Variants in DNA2 observed in about 807,000 individuals in gnomAD.
DNA2 encodes DNA replication helicase/nuclease 2, also known as DNA replication ATP-dependent helicase/nuclease DNA2.
A neutral mutation model predicts 119.1 loss-of-function variants in DNA2; 101 were observed. The ratio of observed to expected loss-of-function variants is 0.85; its 90% confidence interval spans 0.72 to 1.00. The LOEUF (loss-of-function observed/expected upper bound fraction) is 1.00. Among genes scored for constraint, DNA2 ranks in the 50% least tolerant of loss-of-function variants. DNA2 has a pLI of 0.00. For missense variants in DNA2, 1,121 were observed against 1,255.5 expected, an observed-to-expected ratio of 0.89 and a Z score of 1.62; for synonymous variants, 366 against 424.4, an observed-to-expected ratio of 0.86 and a Z score of 1.69.
Position 68,469,985 on chromosome 10 carries a change from CA to C in DNA2, c.252del (p.Asn84LysfsTer8). ...LENKELCILR[N>X]DWCSVPVEPG... ...TCAAAGTCACATAAAAATTACCAGT[CA>C]TTCCTAAGGATGCATAGTTCTTTAT... is the stretch of plus-strand genomic sequence containing the variant. On this transcript the variant is annotated frameshift_variant, in exon 2 of 21. Coordinates refer to ENST00000358410, the MANE Select transcript of DNA2 (RefSeq NM_001080449.3). LOFTEE classifies it high-confidence loss of function. 2.5e-6 allele frequency: 4 copies of C among 1,595,608 alleles called. No individual in the cohort carries two copies. Among genetic ancestry groups the C allele is most frequent in the Non-Finnish European group, 3.4e-6 (4 of 1,175,438 alleles).
Position 68,469,845 on chromosome 10 carries a change from T to G in DNA2, c.257+136A>C, listed in dbSNP as rs928054837. The G allele has an allele frequency of 7.8e-6, 6 of 773,160 alleles. No homozygotes were observed. In the East Asian group the frequency reaches 1.1e-4, roughly 15 times the overall value. 47.9% of individuals were successfully genotyped at this position (773,160 alleles called of 1,614,324 possible). On this transcript the variant is annotated intron_variant, in intron 2 of 20. Coordinates refer to ENST00000358410, the MANE Select transcript of DNA2 (RefSeq NM_001080449.3). ...ACAGGAGTAATAGATACAATTTTCA[T>G]GCAGAATTAGGCTAAGATCAAACCT...
intron 14 of DNA2, among the ~76,000 whole-genome samples, chr10:68,428,330 TA>T (rs905773521): frequency 2.0e-5 from 3 of 149,980 alleles, no homozygotes; most frequent in African/African-American, 7.4e-5. Flanking sequence ...CGTCTCAAAA[TA>T]AAAAAAAATT....
At chr10:68,466,082 A>G (rs2052323894) in intron 3 of DNA2, among the ~76,000 whole-genome samples, 1 of 151,624 alleles carries the variant, frequency 6.6e-6, no homozygotes, top group South Asian at 2.1e-4. Context: ...GCACAGTGGC[A>G]CAATCTCAGC....
intron 14 of DNA2, chr10:68,424,718 C>A: frequency 2.5e-6 from 4 of 1,598,230 alleles, no homozygotes; most frequent in Non-Finnish European, 3.4e-6. Context: ...GCAAGGACGA[C>A]GAGGTCCAGG....
intron 5 of DNA2, among the ~76,000 whole-genome samples, chr10:68,452,729 G>A (rs1042521251): frequency 4.3e-5 from 6 of 139,692 alleles, no homozygotes; most frequent in Non-Finnish European, 6.1e-5. Flanking sequence ...CTGCCATTAC[G>A]CCCAGCTATT....
intron 8 of DNA2, 37 bp from the exon 9 acceptor site, chr10:68,443,148 C>G: frequency 6.6e-7 from 1 of 1,509,050 alleles, no homozygotes; most frequent in East Asian, 2.5e-5. Context: ...TGCTTATAAA[C>G]CATTTCCCTG....
At chr10:68,421,000 G>A (rs1013293457) in intron 17 of DNA2, among the ~76,000 whole-genome samples, 3 of 151,292 alleles carry the variant, frequency 2.0e-5, no homozygotes, top group African/African-American at 4.9e-5. Flanking sequence ...GTGCAGTGGC[G>A]CGATCTCGGC....
At chr10:68,429,720 A>G (rs2051792687) in intron 14 of DNA2, among the ~76,000 whole-genome samples, 1 of 147,034 alleles carries the variant, frequency 6.8e-6, no homozygotes. Flanking sequence ...TCAAAAAAAA[A>G]AAAAAAAAAA....
Position 68,471,970 on chromosome 10 carries a change from G to T in DNA2, c.-106C>A. 6.2e-7 allele frequency: 1 copy of T among 1,611,888 alleles called. No individual in the cohort carries two copies. Among genetic ancestry groups the T allele is most frequent in the Non-Finnish European group, 8.5e-7 (1 of 1,178,542 alleles). ...AGGCGCGAGCCTGCGCACCTCGCGC[G>T]CATGCGCCAACCCGCAGATGTCCCA... On this transcript the variant is annotated 5_prime_UTR_variant, in exon 1 of 21. Coordinates refer to ENST00000358410, the MANE Select transcript of DNA2 (RefSeq NM_001080449.3).
chr10:68,460,030 T>TACACACACACACAAACACACACAC (rs1554909245), intron 4 of DNA2, among the ~76,000 whole-genome samples: 4 of 145,602 alleles, frequency 2.7e-5, no homozygotes, highest in African/African-American at 1.0e-4. Context: ...CCATCACAAA[T>TACACACACACACAAACACACACAC]ACACACACAC....
At chr10:68,459,709 T>C (rs2052229935) in intron 4 of DNA2, among the ~76,000 whole-genome samples, 2 of 152,132 alleles carry the variant, frequency 1.3e-5, no homozygotes, top group Non-Finnish European at 2.9e-5. Flanking sequence ...GTGAATGTAC[T>C]TTGCCTCTGA....
Position 68,471,935 on chromosome 10 carries a change from A to G in DNA2, c.-71T>C. 6.2e-7 allele frequency: 1 copy of G among 1,613,416 alleles called. No individual in the cohort carries two copies. Among genetic ancestry groups the G allele is most frequent in the Non-Finnish European group, 8.5e-7 (1 of 1,179,418 alleles). ...CCGGGGGTAACACAGAAAGCTTAGA[A>G]AAGGGAAAAAGGCGCGAGCCTGCGC... On this transcript the variant is annotated 5_prime_UTR_variant, in exon 1 of 21. Coordinates refer to ENST00000358410, the MANE Select transcript of DNA2 (RefSeq NM_001080449.3).
At chr10:68,462,416 T>C (rs1415889211) in intron 4 of DNA2, among the ~76,000 whole-genome samples, 1 of 152,156 alleles carries the variant, frequency 6.6e-6, no homozygotes, top group Admixed American at 6.6e-5. Flanking sequence ...TTCAAATGAA[T>C]TAATAAACAT....
chr10:68,455,835 A>G (rs199647558), intron 5 of DNA2, among the ~76,000 whole-genome samples: 2 of 113,722 alleles, frequency 1.8e-5, no homozygotes. Flanking sequence ...ACAAAACAAA[A>G]CAAACAAACA....
At chr10:68,467,942 A>T (rs1216272421) in intron 3 of DNA2, among the ~76,000 whole-genome samples, 181 bp downstream of exon 3, 1 of 152,152 alleles carries the variant, frequency 6.6e-6, no homozygotes, top group East Asian at 1.9e-4. Context: ...CCTCATAGTT[A>T]TGTGGCTATG....
chr10:68,472,072 T>G, upstream of DNA2: 1 of 1,583,066 alleles, frequency 6.3e-7, no homozygotes, highest in Non-Finnish European at 8.6e-7. Flanking sequence ...CAGGGCTCTG[T>G]CCCCTGCCTT....
In DNA2 at chr10:68,448,148, T is replaced by C. The variant is rs182056926; in HGVS notation, c.940-1735A>G. Among the ~76,000 whole-genome samples, 26 of 152,246 alleles carry C rather than the reference T, an allele frequency of 1.7e-4. No homozygotes were observed. In the East Asian group the frequency reaches 4.6e-3, roughly 27 times the overall value. ...CAAACTATGATTTACATTTTGAAGT[T>C]AACAGTCTGTAGAGACTATTTTCTC... On this transcript the variant is annotated intron_variant, in intron 6 of 20. Coordinates refer to ENST00000358410, the MANE Select transcript of DNA2 (RefSeq NM_001080449.3).
chr10:68,446,554 T>C, intron 6 of DNA2, 141 bp from the exon 7 acceptor site: 1 of 623,202 alleles, frequency 1.6e-6, no homozygotes, highest in Non-Finnish European at 2.8e-6. Context: ...GCCAAATTGG[T>C]AAAGATAACA....
chr10:68,419,440 C>T (rs922344009), intron 18 of DNA2: 15 of 516,964 alleles, frequency 2.9e-5, no homozygotes, highest in African/African-American at 3.9e-5. Context: ...TTCATGAGAA[C>T]GTAAAGGATT....
Sources: gnomAD v4.1 joint callset for allele counts (sites outside exome capture counted in the v4.1 genomes callset) on GRCh38, gnomAD v4.1.1 for gene constraint, MANE v1.5 for transcripts, NCBI Gene and HGNC (gene_info 2026-07-23, HGNC 2026-07-21) for gene names.